The following HNRNPC variants were observed in gnomAD, a reference collection of about 807,000 sequenced individuals.
HNRNPC encodes heterogeneous nuclear ribonucleoproteins C1/C2.
Under a neutral mutation model 33.2 loss-of-function variants are expected in HNRNPC, and 3 were observed. The ratio of observed to expected loss-of-function variants is 0.09; its 90% CI spans 0.04 to 0.23. The LOEUF is 0.23. Among genes scored for constraint, HNRNPC ranks in the 10% least tolerant of loss-of-function variants. The probability of loss-of-function intolerance (pLI) is 1.00; values close to 1 mark genes in which losing one functional copy is unlikely to be tolerated. For synonymous variants in HNRNPC, 121 were observed against 126.7 expected, an observed-to-expected ratio of 0.96 and a Z score of 0.30; for missense variants, 143 against 366.7, an observed-to-expected ratio of 0.39 and a Z score of 4.98.
At chr14:21,262,189 A>G (rs777187225) in intron 2 of HNRNPC, among the ~76,000 whole-genome samples, 6 of 152,228 alleles carry the variant, frequency 3.9e-5, no homozygotes, top group Non-Finnish European at 7.3e-5. Context: ...GACTCTTGTG[A>G]AATATTAATG....
intron 2 of HNRNPC, among the ~76,000 whole-genome samples, chr14:21,260,530 G>A (rs1389699185): frequency 6.6e-6 from 1 of 151,948 alleles, no homozygotes; most frequent in African/African-American, 2.4e-5. Context: ...AAAAAGAGAT[G>A]GGGTCTCGCT....
At chr14:21,256,556 T>C (rs1233816011) in intron 2 of HNRNPC, among the ~76,000 whole-genome samples, 1 of 152,094 alleles carries the variant, frequency 6.6e-6, no homozygotes, top group Non-Finnish European at 1.5e-5. Flanking sequence ...AAACCTATTA[T>C]ATATAATAAT....
At chr14:21,241,983 TAC>T (rs755298826) in intron 2 of HNRNPC, among the ~76,000 whole-genome samples, 28 of 152,292 alleles carry the variant, frequency 1.8e-4, no homozygotes, top group Admixed American at 8.5e-4. Context: ...AATAATTCAA[TAC>T]ATGGTACTAC....
chr14:21,236,775 TG>T (rs755027852), intron 2 of HNRNPC, among the ~76,000 whole-genome samples: 3 of 152,118 alleles, frequency 2.0e-5, no homozygotes, highest in Admixed American at 1.3e-4. Context: ...GGAAAAGAAC[TG>T]GGATTCTTGG....
At chr14:21,262,831 GCA>G (rs1191195116) in intron 2 of HNRNPC, 1 of 151,718 alleles carries the variant, frequency 6.6e-6, no homozygotes. Context: ...TTTTATTGCA[GCA>G]CAGTTTAAAA....
chr14:21,255,014 G>C (rs189977308), intron 2 of HNRNPC, among the ~76,000 whole-genome samples: 111 of 152,032 alleles, frequency 7.3e-4, no homozygotes, highest in African/African-American at 2.5e-3. Flanking sequence ...AAGGGTAATA[G>C]CATGAGAAAA....
At chr14:21,223,088 C>T (rs1893021968) in intron 5 of HNRNPC, among the ~76,000 whole-genome samples, 1 of 152,024 alleles carries the variant, frequency 6.6e-6, no homozygotes, top group Non-Finnish European at 1.5e-5. Flanking sequence ...TGCCTGTAAT[C>T]CCAGCTACTC....
chr14:21,214,579 A>G (rs1363495586), intron 5 of HNRNPC, among the ~76,000 whole-genome samples: 4 of 151,032 alleles, frequency 2.6e-5, no homozygotes, highest in African/African-American at 9.7e-5. Context: ...CACTGTCTCA[A>G]AAAAAAAGAA....
At chr14:21,267,440 G>A (rs1471762658) in intron 1 of HNRNPC, among the ~76,000 whole-genome samples, 2 of 152,146 alleles carry the variant, frequency 1.3e-5, no homozygotes, top group African/African-American at 2.4e-5. Flanking sequence ...AAGGTCGAAT[G>A]CCATGTCAAA....
At chr14:21,245,419 C>T (rs1310486916) in intron 2 of HNRNPC, among the ~76,000 whole-genome samples, 2 of 151,938 alleles carry the variant, frequency 1.3e-5, no homozygotes, top group African/African-American at 2.4e-5. Context: ...ATCGCTTGAA[C>T]CCGGGGGGTG....
chr14:21,268,805 A>G (rs1249162562), intron 1 of HNRNPC: 1 of 152,200 alleles, frequency 6.6e-6, no homozygotes, highest in Non-Finnish European at 1.5e-5. Flanking sequence ...TTATCAGTAA[A>G]ATGCTGAATC....
intron 5 of HNRNPC, among the ~76,000 whole-genome samples, chr14:21,218,678 T>A: frequency 3.9e-5 from 1 of 25,610 alleles, no homozygotes. Context: ...CGAAACTCTC[T>A]CTCAAAAAAA....
In HNRNPC at chr14:21,223,861, C is replaced by T. The variant is rs1238505180; in HGVS notation, c.365+6458G>A. On this transcript the variant is annotated intron_variant, in intron 5 of 8. Transcript: ENST00000553300. ...CACCTATATGTATGATACACAGGTT[C>T]CCAAAAGAAAGATATAATTAACAGT... Among the ~76,000 whole-genome samples the T allele has an allele frequency of 3.3e-5, 5 of 152,118 alleles. No homozygotes were observed. In the East Asian group the frequency reaches 9.6e-4, roughly 29 times the overall value.
chr14:21,250,797 A>G (rs1253587030), intron 2 of HNRNPC, among the ~76,000 whole-genome samples: 1 of 152,194 alleles, frequency 6.6e-6, no homozygotes, highest in Non-Finnish European at 1.5e-5. Context: ...TTCCCAAGCC[A>G]AGTAATAAAA....
intron 2 of HNRNPC, among the ~76,000 whole-genome samples, chr14:21,247,850 G>A (rs548788568): frequency 9.9e-5 from 15 of 151,860 alleles, no homozygotes; most frequent in African/African-American, 2.9e-4. Context: ...AGCCAAGCAT[G>A]GTGGCAAGCG....
At chr14:21,247,524 T>C (rs1051685662) in intron 2 of HNRNPC, among the ~76,000 whole-genome samples, 10 of 152,218 alleles carry the variant, frequency 6.6e-5, no homozygotes, top group Non-Finnish European at 1.5e-4. Context: ...GGTTTAGTTT[T>C]CTATTTTTTG....
At chr14:21,257,696 CCG>C (rs1040587684) in intron 2 of HNRNPC, among the ~76,000 whole-genome samples, 2 of 152,132 alleles carry the variant, frequency 1.3e-5, no homozygotes, top group African/African-American at 4.8e-5. Context: ...ATTAATTCTA[CCG>C]CCTCAGCCTC....
chr14:21,233,329 G>A (rs1380206518), intron 3 of HNRNPC, among the ~76,000 whole-genome samples: 1 of 151,978 alleles, frequency 6.6e-6, no homozygotes, highest in Non-Finnish European at 1.5e-5. Context: ...TGTATACAAA[G>A]AATAAACTAA....
chr14:21,213,807 C>T (rs1391777454), intron 5 of HNRNPC, among the ~76,000 whole-genome samples: 1 of 152,196 alleles, frequency 6.6e-6, no homozygotes, highest in East Asian at 1.9e-4. Flanking sequence ...AGGGCAGAGA[C>T]CACTGTCTAT....
Sources: allele counts gnomAD v4.1 joint callset (sites outside exome capture counted in the v4.1 genomes callset), GRCh38; gene constraint gnomAD v4.1.1; transcripts MANE v1.5; gene names NCBI Gene and HGNC (gene_info 2026-07-23, HGNC 2026-07-21).